The following ZPBP variants were observed in gnomAD, a reference collection of about 807,000 sequenced individuals.
ZPBP encodes the protein zona pellucida binding protein.
Under a neutral mutation model 44.8 loss-of-function variants are expected in ZPBP, and 26 were observed. The ratio of observed to expected loss-of-function variants is 0.58; its 90% CI spans 0.43 to 0.81. The LOEUF is 0.81. Ranked by LOEUF, ZPBP falls within the 30% of genes least tolerant of loss-of-function variation. The pLI, the probability that ZPBP is intolerant of heterozygous loss-of-function variation, is 0.00. For missense variants in ZPBP, 409 were observed against 434.0 expected (o/e 0.94, Z 0.51); for synonymous variants, 174 against 153.2 (o/e 1.14, Z -1.00).
intron 7 of ZPBP, among the ~76,000 whole-genome samples, chr7:49,982,360 T>C (rs566090068): frequency 3.4e-4 from 44 of 130,096 alleles, no homozygotes; most frequent in African/African-American, 1.2e-3. Context: ...TAATTATATA[T>C]AATATATAAT....
the ZPBP span, among the ~76,000 whole-genome samples, chr7:49,844,490 TACTC>T: frequency 3.9e-5 from 6 of 152,306 alleles, no homozygotes; most frequent in Admixed American, 2.0e-4. Context: ...TATACTATGT[TACTC>T]AATTAATTGT....
intron 1 of ZPBP, chr7:49,921,613 T>A (rs1303890432): frequency 6.6e-6 from 1 of 152,182 alleles, no homozygotes; most frequent in Non-Finnish European, 1.5e-5. Flanking sequence ...GTAAAACACG[T>A]AGCCTAGAAT....
chr7:49,892,848 T>C (rs1461014675), intron 2 of ZPBP, among the ~76,000 whole-genome samples: 1 of 152,230 alleles, frequency 6.6e-6, no homozygotes, highest in Non-Finnish European at 1.5e-5. Context: ...AAGACTTCTA[T>C]GGTCAAGTGA....
At chr7:50,055,633 T>C (rs1217036816) in intron 4 of ZPBP, among the ~76,000 whole-genome samples, 7 of 152,178 alleles carry the variant, frequency 4.6e-5, no homozygotes, top group African/African-American at 9.6e-5. Flanking sequence ...ACAGTTTGTT[T>C]TGAAATACAT....
At chr7:49,995,362 A>G (rs1314085664) in intron 6 of ZPBP, among the ~76,000 whole-genome samples, 2 of 152,186 alleles carry the variant, frequency 1.3e-5, no homozygotes, top group Non-Finnish European at 2.9e-5. Context: ...CCTTATGGAC[A>G]GGGATGGAAA....
intron 4 of ZPBP, among the ~76,000 whole-genome samples, chr7:50,034,571 C>T (rs1418167695): frequency 6.6e-6 from 1 of 152,084 alleles, no homozygotes; most frequent in Non-Finnish European, 1.5e-5. Flanking sequence ...CAGATGTTAA[C>T]TTTTGTTTTT....
intron 5 of ZPBP, among the ~76,000 whole-genome samples, chr7:50,020,047 CAAA>C (rs879423466): frequency 3.8e-5 from 4 of 104,372 alleles, no homozygotes; most frequent in Non-Finnish European, 2.0e-5. Context: ...GACTCTGTCT[CAAA>C]AAAAAAAAAA....
intron 6 of ZPBP, among the ~76,000 whole-genome samples, chr7:50,001,967 C>T (rs772480628): frequency 6.6e-6 from 1 of 152,066 alleles, no homozygotes; most frequent in Non-Finnish European, 1.5e-5. Flanking sequence ...TGCAGTGGCG[C>T]AACCGAGGCA....
intron 7 of ZPBP, among the ~76,000 whole-genome samples, chr7:49,981,436 T>C (rs1287658426): frequency 4.0e-5 from 2 of 50,176 alleles, no homozygotes; most frequent in African/African-American, 2.1e-4. Flanking sequence ...AAAATATATA[T>C]AATATATATT....
chr7:49,875,079 T>C (rs1477994518), intron 2 of ZPBP, among the ~76,000 whole-genome samples: 2 of 151,294 alleles, frequency 1.3e-5, no homozygotes, highest in African/African-American at 4.9e-5. Context: ...ACATAAATAA[T>C]AGTAAAAATT....
At chr7:50,074,783 A>C (rs1802004695) in intron 3 of ZPBP, among the ~76,000 whole-genome samples, 1 of 152,020 alleles carries the variant, frequency 6.6e-6, no homozygotes, top group Admixed American at 6.6e-5. Context: ...ATATTATTAG[A>C]GCTAAAGAGA....
intron 6 of ZPBP, among the ~76,000 whole-genome samples, chr7:49,998,204 CCA>C (rs1330228188): frequency 6.6e-6 from 1 of 152,216 alleles, no homozygotes; most frequent in African/African-American, 2.4e-5. Context: ...GCGTGAACCA[CCA>C]CGCCCAGCCT....
chr7:49,877,462 CAAAAA>C (rs1169480763), intron 2 of ZPBP, among the ~76,000 whole-genome samples: 95 of 7,038 alleles, frequency 0.013, 4 homozygotes, highest in South Asian at 0.041. Flanking sequence ...AACTCTGTCT[CAAAAA>C]AAAAAAAAAA....
intron 4 of ZPBP, among the ~76,000 whole-genome samples, chr7:50,031,962 C>A (rs1435272546): frequency 6.6e-6 from 1 of 152,110 alleles, no homozygotes; most frequent in Non-Finnish European, 1.5e-5. Flanking sequence ...CAAAACAGGG[C>A]GCTCTGTTGC....
At chr7:50,085,379 G>T (rs2128854933) in intron 2 of ZPBP, among the ~76,000 whole-genome samples, 1 of 152,162 alleles carries the variant, frequency 6.6e-6, no homozygotes, top group South Asian at 2.1e-4. Context: ...GCATCCCTAA[G>T]GAACTAATTA....
At chr7:49,843,290 G>A in the ZPBP span, among the ~76,000 whole-genome samples, 1 of 152,170 alleles carries the variant, frequency 6.6e-6, no homozygotes, top group Admixed American at 6.5e-5. Flanking sequence ...TCTCATGGGT[G>A]AGCCCCTTTC....
intron 1 of ZPBP, among the ~76,000 whole-genome samples, chr7:49,906,055 T>C (rs958652518): frequency 2.0e-5 from 3 of 152,210 alleles, no homozygotes; most frequent in Non-Finnish European, 4.4e-5. Context: ...TAGCATATAA[T>C]CAAGAAATAA....
intron 2 of ZPBP, among the ~76,000 whole-genome samples, chr7:49,855,953 CCA>C (rs760546239): frequency 5.3e-5 from 8 of 152,156 alleles, no homozygotes; most frequent in Non-Finnish European, 1.2e-4. Context: ...ACACTAAGCC[CCA>C]CAGTTTGCTG....
At position 49,900,741 on chromosome 7, in the gene ZPBP, C is replaced by G. The variant is rs1462995301; in HGVS notation, n.509+377G>C. 2.6e-5 allele frequency among the ~76,000 whole-genome samples: 4 copies of G among 151,916 alleles called. No individual in the cohort carries two copies. The East Asian group carries it at 7.7e-4, about 29-fold the overall frequency. ...ATTATACCAAACATTTAAGGAAGAA[C>G]TGATATCAATATTTTACAATTTCTT... is the stretch of plus-strand genomic sequence containing the variant. On this transcript the variant is annotated intron_variant and non_coding_transcript_variant, in intron 2 of 2. Coordinates refer to the ZPBP transcript ENST00000465922.
Sources: allele counts gnomAD v4.1 joint callset (sites outside exome capture counted in the v4.1 genomes callset), GRCh38; gene constraint gnomAD v4.1.1; transcripts MANE v1.5; gene names NCBI Gene and HGNC (gene_info 2026-07-23, HGNC 2026-07-21).